PTPRD: variants seen among roughly 807,000 people sequenced by gnomAD.
PTPRD encodes protein tyrosine phosphatase receptor type D, also known as receptor-type tyrosine-protein phosphatase delta.
Under a neutral mutation model 214.5 loss-of-function variants are expected in PTPRD, and 34 were observed. The observed-to-expected ratio is 0.16, with a 90% confidence interval of 0.12 to 0.21. PTPRD has a LOEUF of 0.21. PTPRD is among the 10% of genes least tolerant of loss of function. The pLI is 1.00. For synonymous variants in PTPRD, 1,128 were observed against 845.7 expected (o/e 1.33, Z -5.79); for missense variants, 2,545 against 2,398.7 (o/e 1.06, Z -1.27).
chr9:9,748,074 G>A (rs1277806115), intron 6 of PTPRD, among the ~76,000 whole-genome samples: 7 of 152,108 alleles, frequency 4.6e-5, no homozygotes, highest in Non-Finnish European at 8.8e-5. Context: ...AGCAAGGGTG[G>A]TCCAAGCAAG....
chr9:10,504,728 A>T (rs1193218360), intron 2 of PTPRD, among the ~76,000 whole-genome samples: 1 of 152,212 alleles, frequency 6.6e-6, no homozygotes, highest in African/African-American at 2.4e-5. Context: ...CTCCACAGGC[A>T]TAAAGCTAAT....
intron 5 of PTPRD, among the ~76,000 whole-genome samples, chr9:9,803,523 A>G (rs1371662243): frequency 6.6e-6 from 1 of 151,966 alleles, no homozygotes; most frequent in Non-Finnish European, 1.5e-5. Context: ...ACTTATCATG[A>G]TGAGCATCCC....
chr9:10,250,427 G>A (rs1322145), intron 3 of PTPRD, among the ~76,000 whole-genome samples: 134,984 of 152,060 alleles, frequency 0.89, 59,942 homozygotes, highest in East Asian at 0.98. Flanking sequence ...CGCAATGTCA[G>A]AAAGCCTAGA....
intron 3 of PTPRD, among the ~76,000 whole-genome samples, chr9:10,239,885 G>T (rs865951082): frequency 1.3e-5 from 2 of 151,674 alleles, no homozygotes; most frequent in South Asian, 2.1e-4. Context: ...CCCAAGGTTG[G>T]TCTAGAACCC....
chr9:9,327,922 C>T (rs910685835), intron 9 of PTPRD, among the ~76,000 whole-genome samples: 1 of 145,718 alleles, frequency 6.9e-6, no homozygotes, highest in African/African-American at 2.5e-5. Context: ...AAAAAAAAAT[C>T]ACAAAAAAAT....
At position 9,484,722 on chromosome 9, in the gene PTPRD, C is replaced by A. The variant is rs565572900; in HGVS notation, c.-236-87240G>T. Among the ~76,000 whole-genome samples, 3 of 152,178 alleles carry A rather than the reference C, an allele frequency of 2.0e-5. No individual in the cohort carries two copies. The East Asian group carries it at 5.8e-4, about 29-fold the overall frequency. On this transcript the variant is annotated intron_variant, in intron 8 of 45. Transcript: ENST00000381196. ...GGTACAAGGAAGAAACAAAATTTTA[C>A]GAGGTCATATAGGTATTACATTGCA...
chr9:9,553,032 G>A (rs1162034019), intron 8 of PTPRD, among the ~76,000 whole-genome samples: 1 of 152,008 alleles, frequency 6.6e-6, no homozygotes, highest in Non-Finnish European at 1.5e-5. Flanking sequence ...TTTACATTGT[G>A]ATAGTATAAT....
chr9:10,551,298 C>A (rs774515193), intron 2 of PTPRD, among the ~76,000 whole-genome samples: 13 of 152,048 alleles, frequency 8.5e-5, no homozygotes, highest in African/African-American at 2.7e-4. Flanking sequence ...ATGATTATGC[C>A]ACTGCACTCC....
intron 5 of PTPRD, among the ~76,000 whole-genome samples, chr9:9,903,067 T>C (rs953787780): frequency 7.4e-6 from 1 of 135,450 alleles, no homozygotes; most frequent in African/African-American, 3.0e-5. Context: ...ATATGTGTAT[T>C]TGAGCTAAAG....
At position 9,003,681 on chromosome 9, in the gene PTPRD, G is replaced by C. The variant is rs1446769226; in HGVS notation, c.-104+15016C>G. Among the ~76,000 whole-genome samples, 20 of 152,000 alleles carry C rather than the reference G, an allele frequency of 1.3e-4. 1 individual carries two copies. Among genetic ancestry groups the C allele is most frequent in the Admixed American group, 1.2e-3 (19 of 15,228 alleles). On this transcript the variant is annotated intron_variant, in intron 11 of 45. Transcript: ENST00000381196. ...GCTGAGCTGGGCTTTGATATCATTA[G>C]CAAGCATGTTGGTTGCTTACTTGCT...
rs375803981 is a variant in PTPRD at position 10,062,219 on chromosome 9, A to G, written c.-544-28429T>C. ...TTAAAAGATGCTGAAATAAATTTAC[A>G]TAAGATGTAAGACTTTTCTATCCAC... On this transcript the variant is annotated intron_variant, in intron 3 of 45. Transcript: ENST00000381196. Among the ~76,000 whole-genome samples the G allele has an allele frequency of 3.3e-5, 5 of 152,222 alleles. No homozygotes were observed. In the East Asian group the frequency reaches 7.8e-4, roughly 24 times the overall value.
chr9:9,830,009 T>G (rs1375245852), intron 5 of PTPRD, among the ~76,000 whole-genome samples: 1 of 151,812 alleles, frequency 6.6e-6, no homozygotes, highest in Admixed American at 6.6e-5. Flanking sequence ...AGAAGGTTAA[T>G]AGTTCCATGT....
intron 11 of PTPRD, among the ~76,000 whole-genome samples, chr9:8,924,531 G>T (rs2098851899): frequency 6.6e-6 from 1 of 152,098 alleles, no homozygotes; most frequent in Admixed American, 6.5e-5. Context: ...GGGAATCAAA[G>T]TGGTACCTGA....
intron 3 of PTPRD, among the ~76,000 whole-genome samples, chr9:10,145,375 T>G (rs905986744): frequency 6.6e-6 from 1 of 152,118 alleles, no homozygotes; most frequent in African/African-American, 2.4e-5. Flanking sequence ...TCCCCTCTTC[T>G]TCCTCCTCCT....
intron 10 of PTPRD, among the ~76,000 whole-genome samples, chr9:9,096,952 C>T (rs575954273): frequency 3.3e-5 from 5 of 152,130 alleles, no homozygotes; most frequent in Admixed American, 6.6e-5. Flanking sequence ...TCTCCCCTAC[C>T]CCCTAAGTTT....
intron 2 of PTPRD, among the ~76,000 whole-genome samples, chr9:10,373,017 G>A (rs527869527): frequency 6.6e-6 from 1 of 151,208 alleles, no homozygotes; most frequent in South Asian, 2.1e-4. Flanking sequence ...ATTTTTAGTA[G>A]AGACAGGGTT....
chr9:9,449,771 T>C (rs1188004432), intron 8 of PTPRD, among the ~76,000 whole-genome samples: 1 of 151,772 alleles, frequency 6.6e-6, no homozygotes, highest in Non-Finnish European at 1.5e-5. Flanking sequence ...GGGGTACAAG[T>C]GGTTTCTGAT....
chr9:8,497,310 A>G (rs41281789), intron 25 of PTPRD, 42 bp from the exon 26 acceptor site: 1 of 1,549,400 alleles, frequency 6.5e-7, no homozygotes, highest in Non-Finnish European at 8.7e-7. Flanking sequence ...CAAAATAAAA[A>G]GAAAAAGAAT....
intron 4 of PTPRD, among the ~76,000 whole-genome samples, chr9:10,025,294 T>G (rs1377032873): frequency 1.3e-5 from 2 of 152,186 alleles, no homozygotes; most frequent in African/African-American, 2.4e-5. Context: ...CAGCATCTGT[T>G]GTTTCCTGAC....
Sources: allele counts gnomAD v4.1 joint callset (sites outside exome capture counted in the v4.1 genomes callset), GRCh38; gene constraint gnomAD v4.1.1; transcripts MANE v1.5; gene names NCBI Gene and HGNC (gene_info 2026-07-23, HGNC 2026-07-21).